SHANK2: variants seen among roughly 807,000 people sequenced by gnomAD.
SHANK2 encodes SH3 and multiple ankyrin repeat domains protein 2.
SHANK2 carries 43 observed loss-of-function variants against 133.7 expected under a neutral mutation model. That is an observed-to-expected ratio of 0.32 (90% confidence interval 0.25 to 0.41). SHANK2 has a LOEUF of 0.41. Among genes scored for constraint, SHANK2 ranks in the 10% least tolerant of loss-of-function variants. The probability of loss-of-function intolerance (pLI) is 1.00; values close to 1 mark genes in which losing one functional copy is unlikely to be tolerated. For missense variants in SHANK2, 1,994 were observed against 2,235.8 expected, an observed-to-expected ratio of 0.89 and a Z score of 2.18; for synonymous variants, 1,017 against 952.8, an observed-to-expected ratio of 1.07 and a Z score of -1.24.
At chr11:70,822,207 G>C (rs1424966457) in intron 11 of SHANK2, among the ~76,000 whole-genome samples, 1 of 152,256 alleles carries the variant, frequency 6.6e-6, no homozygotes, top group East Asian at 1.9e-4. Flanking sequence ...ACTGGCTACA[G>C]GATTCAGCCC....
intron 10 of SHANK2, among the ~76,000 whole-genome samples, chr11:70,955,209 A>C (rs1950900119): frequency 6.6e-6 from 1 of 152,174 alleles, no homozygotes; most frequent in South Asian, 2.1e-4. Context: ...TGTCTGGTTA[A>C]AAACTGTTGA....
intron 17 of SHANK2, among the ~76,000 whole-genome samples, chr11:70,522,628 A>G (rs1335018568): frequency 2.6e-5 from 4 of 152,238 alleles, no homozygotes; most frequent in African/African-American, 9.6e-5. Context: ...TTGAAAGCCC[A>G]GGCCCCTTAC....
chr11:70,563,427 ATTC>A (rs2059932259), intron 17 of SHANK2, among the ~76,000 whole-genome samples: 1 of 152,040 alleles, frequency 6.6e-6, no homozygotes, highest in African/African-American at 2.4e-5. Flanking sequence ...AGCTACATTT[ATTC>A]TTCTGTTTAA....
chr11:70,743,677 C>T lies in SHANK2; in HGVS notation c.1778-44914G>A, dbSNP rs187616530. 8.9e-4 allele frequency among the ~76,000 whole-genome samples: 136 copies of T among 152,258 alleles called. 1 individual carries two copies. The highest frequency in any genetic ancestry group is 4.4e-3 in the Admixed American group (68 of 15,304). On this transcript the variant is annotated intron_variant, in intron 14 of 25. Coordinates refer to ENST00000601538, the MANE Select transcript of SHANK2 (RefSeq NM_012309.5). ...CAGCAGTTACCCTACACAGAGGGGCCGGGAGAGCCCCCACGGGAAGTTGCT... is the reference window on the plus strand; with the variant it reads ...CAGCAGTTACCCTACACAGAGGGGCTGGGAGAGCCCCCACGGGAAGTTGCT...
intron 6 of SHANK2, among the ~76,000 whole-genome samples, chr11:71,095,443 T>C (rs1030846685): frequency 2.6e-5 from 4 of 152,222 alleles, no homozygotes; most frequent in African/African-American, 4.8e-5. Flanking sequence ...AGGAACTACT[T>C]TGAGGTCCTC....
intron 15 of SHANK2, among the ~76,000 whole-genome samples, chr11:70,678,735 G>C (rs1944960897): frequency 6.6e-6 from 1 of 151,760 alleles, no homozygotes. Flanking sequence ...TAGAGACAGG[G>C]TTTCACCATG....
chr11:70,861,442 T>G (rs1297445597), intron 11 of SHANK2, among the ~76,000 whole-genome samples: 1 of 152,304 alleles, frequency 6.6e-6, no homozygotes, highest in East Asian at 1.9e-4. Context: ...GAGGCAGAAT[T>G]ATTGTGTGTT....
At chr11:70,821,519 A>C (rs1555055944) in intron 11 of SHANK2, among the ~76,000 whole-genome samples, 1 of 152,128 alleles carries the variant, frequency 6.6e-6, no homozygotes. Flanking sequence ...TCCGCCTCCC[A>C]GGCTCAAACA....
intron 9 of SHANK2, among the ~76,000 whole-genome samples, chr11:71,073,143 T>TTTTG: frequency 2.4e-5 from 1 of 42,450 alleles, no homozygotes; most frequent in South Asian, 1.2e-3. Flanking sequence ...TTTCTTTTTC[T>TTTTG]TTTCTTTTTT....
intron 8 of SHANK2, among the ~76,000 whole-genome samples, chr11:71,081,562 G>T (rs1001411739): frequency 6.6e-6 from 1 of 152,138 alleles, no homozygotes; most frequent in Non-Finnish European, 1.5e-5. Flanking sequence ...AAGTGCAGAG[G>T]GTGGGGTGCT....
chr11:70,700,076 C>T (rs1057022349), intron 14 of SHANK2, among the ~76,000 whole-genome samples: 1 of 152,200 alleles, frequency 6.6e-6, no homozygotes, highest in African/African-American at 2.4e-5. Context: ...ATTTCTACCA[C>T]ATTAGGCTGC....
intron 14 of SHANK2, among the ~76,000 whole-genome samples, chr11:70,770,385 TC>T (rs1187799356): frequency 6.6e-6 from 1 of 152,204 alleles, no homozygotes; most frequent in African/African-American, 2.4e-5. Context: ...CCTCTGCTCA[TC>T]CGCCTGGGTG....
chr11:70,879,777 C>T lies in SHANK2; in HGVS notation c.1174+16724G>A, dbSNP rs1320736597. Among the ~76,000 whole-genome samples, 5 of 152,202 alleles carry T rather than the reference C, an allele frequency of 3.3e-5. No individual in the cohort carries two copies. The East Asian group carries it at 9.6e-4, about 29-fold the overall frequency. On this transcript the variant is annotated intron_variant, in intron 11 of 25. Transcript: ENST00000601538. The stretch of plus-strand genomic sequence containing the variant: ...AGCAGGACACCGGCGGTGGGACCCT[C>T]TCTCCTGGCACCAGCTGAATGGGGC...
chr11:70,500,799 T>C lies in SHANK2; in HGVS notation c.2288-209A>G. 4.1e-6 allele frequency: 3 copies of C among 734,028 alleles called. No individual in the cohort carries two copies. The highest frequency in any genetic ancestry group is 7.5e-6 in the Non-Finnish European group (3 of 400,526). 45.5% of individuals were successfully genotyped at this position (734,028 alleles called of 1,614,324 possible). On this transcript the variant is annotated intron_variant, in intron 20 of 25. Transcript: ENST00000601538. This position sits in a 1 kb window ranked among gnomAD's most constrained non-coding sequence, Gnocchi z 4.5. ...AACCTTGGCTGCCCGCACAACTCTG[T>C]CCTGTCTGCCCTGCTCGTTAACCTA... is the stretch of plus-strand genomic sequence containing the variant.
At position 70,502,883 on chromosome 11, in the gene SHANK2, T is replaced by C. The variant is rs782610639; in HGVS notation, c.2110A>G (p.Met704Val). ...AGGTGATTCCCTCCCTGCCGGATCA[T>C]GTTCACCACCTGCCTGTGGCCGACT... ...VKVGHRQVVN[M>V]IRQGGNHLVL... Residue 704 changes from methionine (M) to valine (V), a missense_variant, in exon 18 of 26, where the codon ATG becomes GTG. Met to Val is a conservative substitution (Grantham distance 21, BLOSUM62 1). Around this residue, in one of 5 missense-constraint regions of SHANK2, gnomAD observed 488 missense variants for 642.6 expected, o/e 0.76. Transcript: ENST00000601538. 1 of 1,614,050 alleles carries C rather than the reference T, an allele frequency of 6.2e-7. No individual in the cohort carries two copies. Among genetic ancestry groups the C allele is most frequent in the South Asian group, 1.1e-5 (1 of 91,082 alleles).
At chr11:70,480,649 C>T (rs958745789) in intron 25 of SHANK2, among the ~76,000 whole-genome samples, 2 of 152,198 alleles carry the variant, frequency 1.3e-5, no homozygotes, top group Admixed American at 1.3e-4. Flanking sequence ...GCACCTGGCA[C>T]ATAAAGGCAA....
At chr11:70,782,460 G>A (rs1311439101) in intron 14 of SHANK2, among the ~76,000 whole-genome samples, 1 of 152,218 alleles carries the variant, frequency 6.6e-6, no homozygotes, top group Non-Finnish European at 1.5e-5. Context: ...AGGCTATGGG[G>A]TCCCAGTCGA....
chr11:71,124,386 T>C (rs1555102294), intron 3 of SHANK2, among the ~76,000 whole-genome samples: 1 of 150,560 alleles, frequency 6.6e-6, no homozygotes, highest in African/African-American at 2.4e-5. Flanking sequence ...GTAGTGGTGA[T>C]GATGAAGATG....
At chr11:70,784,803 G>T (rs185863868) in intron 14 of SHANK2, among the ~76,000 whole-genome samples, 4 of 152,226 alleles carry the variant, frequency 2.6e-5, no homozygotes, top group Admixed American at 2.6e-4. Flanking sequence ...CAGGGCCTCT[G>T]CCCAGAGTCC....
Sources: gnomAD v4.1 joint callset for allele counts (sites outside exome capture counted in the v4.1 genomes callset) on GRCh38, gnomAD v4.1.1 for gene constraint, gnomAD v4.1.1 regional missense constraint, Gnocchi (gnomAD v3.1) non-coding constraint, MANE v1.5 for transcripts, NCBI Gene and HGNC (gene_info 2026-07-23, HGNC 2026-07-21) for gene names.